GPR137C: variants seen among roughly 807,000 people sequenced by gnomAD.
GPR137C encodes the protein G protein-coupled receptor 137C.
In GPR137C, 27 loss-of-function variants were observed where a neutral mutation model predicts 43.4. The ratio of observed to expected loss-of-function variants is 0.62; its 90% CI spans 0.46 to 0.86. The LOEUF is 0.86. Among genes scored for constraint, GPR137C ranks in the 40% least tolerant of loss-of-function variants. The pLI is 0.00. For synonymous variants in GPR137C, 285 were observed against 226.9 expected (o/e 1.26, Z -2.30); for missense variants, 522 against 534.6 (o/e 0.98, Z 0.23).
chr14:52,589,547 A>G (rs1224694378), intron 1 of GPR137C, among the ~76,000 whole-genome samples: 2 of 152,218 alleles, frequency 1.3e-5, no homozygotes, highest in East Asian at 3.8e-4. Context: ...GATAGTGGAG[A>G]TGGCAAAAGT....
At chr14:52,601,498 G>GTA (rs1450171433) in intron 3 of GPR137C, among the ~76,000 whole-genome samples, 6,142 of 148,220 alleles carry the variant, frequency 0.041, 372 homozygotes, top group African/African-American at 0.14. Flanking sequence ...GTGTGTGTGT[G>GTA]TATATATATA....
intron 3 of GPR137C, among the ~76,000 whole-genome samples, chr14:52,616,807 T>C (rs1465821596): frequency 1.3e-5 from 2 of 152,208 alleles, no homozygotes; most frequent in African/African-American, 4.8e-5. Flanking sequence ...TTCCATTTTA[T>C]GCTCAGCCCA....
At chr14:52,631,117 T>C (rs1242966998) in intron 3 of GPR137C, among the ~76,000 whole-genome samples, 1 of 152,206 alleles carries the variant, frequency 6.6e-6, no homozygotes, top group Non-Finnish European at 1.5e-5. Context: ...TGGGCCTCTA[T>C]TTAAACTATG....
chr14:52,585,559 T>C (rs2038702731), intron 1 of GPR137C, among the ~76,000 whole-genome samples: 1 of 152,154 alleles, frequency 6.6e-6, no homozygotes, highest in Admixed American at 6.5e-5. Flanking sequence ...CAAGGCCAGG[T>C]ATGGTGGCTC....
intron 3 of GPR137C, among the ~76,000 whole-genome samples, chr14:52,604,211 G>T (rs752108233): frequency 1.3e-5 from 2 of 152,064 alleles, no homozygotes; most frequent in East Asian, 1.9e-4. Flanking sequence ...TCTATAGGTT[G>T]TCACTTCACT....
chr14:52,633,630 G>A lies in GPR137C; in HGVS notation c.968G>A (p.Arg323Gln), dbSNP rs777482767. The stretch of plus-strand genomic sequence containing the variant: ...GCATGGTCGGTGGTACTGTTTTTCC[G>A]GGCACAGAGATTAAACCAGAATTTG... ...VPAWSVVLFF[R>Q]AQRLNQNLAP... is the part of the protein sequence containing the mutation. Residue 323 changes from arginine to glutamine, a missense_variant, in exon 5 of 7, where the codon CGG becomes CAG. Coordinates refer to ENST00000321662, the MANE Select transcript of GPR137C (RefSeq NM_001099652.2). 15 of 1,612,858 alleles carry A rather than the reference G, an allele frequency of 9.3e-6. No individual in the cohort carries two copies. Among genetic ancestry groups the A allele is most frequent in the South Asian group, 6.6e-5 (6 of 91,048 alleles).
chr14:52,621,683 A>C (rs2039163084), intron 3 of GPR137C, among the ~76,000 whole-genome samples: 1 of 151,854 alleles, frequency 6.6e-6, no homozygotes, highest in Non-Finnish European at 1.5e-5. Flanking sequence ...TAACATTTAT[A>C]TCAAATGATA....
At chr14:52,562,164 T>G (rs2038295161) in intron 1 of GPR137C, among the ~76,000 whole-genome samples, 1 of 148,918 alleles carries the variant, frequency 6.7e-6, no homozygotes, top group South Asian at 2.4e-4. Flanking sequence ...AGTAATAAAA[T>G]AGAAAAAACA....
chr14:52,564,946 C>T (rs1171782346), intron 1 of GPR137C, among the ~76,000 whole-genome samples: 1 of 151,086 alleles, frequency 6.6e-6, no homozygotes. Context: ...AAAAAAAATG[C>T]TTGCTTTAAA....
intron 3 of GPR137C, among the ~76,000 whole-genome samples, chr14:52,629,079 T>A (rs777849154): frequency 1.3e-5 from 2 of 152,162 alleles, no homozygotes; most frequent in Non-Finnish European, 2.9e-5. Context: ...AGACATCACA[T>A]CTTCCAGCAT....
intron 3 of GPR137C, among the ~76,000 whole-genome samples, chr14:52,609,240 C>T (rs376360153): frequency 6.6e-6 from 1 of 152,014 alleles, no homozygotes; most frequent in East Asian, 1.9e-4. Context: ...ATTTTCAGCT[C>T]CTGAGTTTCT....
At chr14:52,612,097 A>T in intron 3 of GPR137C, 1 of 984,570 alleles carries the variant, frequency 1.0e-6, no homozygotes, top group Non-Finnish European at 1.2e-6. Context: ...GCTGTTTTAT[A>T]GTTTTATGGG....
At chr14:52,572,862 CA>C (rs1390976502) in intron 1 of GPR137C, among the ~76,000 whole-genome samples, 1 of 152,122 alleles carries the variant, frequency 6.6e-6, no homozygotes, top group Non-Finnish European at 1.5e-5. Flanking sequence ...TGTCTCAGCC[CA>C]AAATCTCCTT....
intron 3 of GPR137C, chr14:52,612,448 G>GTTTTGCT: frequency 1.0e-6 from 1 of 983,246 alleles, no homozygotes; most frequent in Non-Finnish European, 1.2e-6. Flanking sequence ...AATCAGTTTT[G>GTTTTGCT]TTTTGCTTTT....
intron 1 of GPR137C, among the ~76,000 whole-genome samples, chr14:52,554,925 C>T (rs937075194): frequency 6.6e-6 from 1 of 152,042 alleles, no homozygotes; most frequent in Non-Finnish European, 1.5e-5. Flanking sequence ...AATACAATGA[C>T]AAAAACGCAA....
intron 1 of GPR137C, among the ~76,000 whole-genome samples, chr14:52,579,326 T>TAA (rs2038610401): frequency 6.6e-6 from 1 of 152,168 alleles, no homozygotes; most frequent in Non-Finnish European, 1.5e-5. Flanking sequence ...TACCCAGATA[T>TAA]CTGCCAGGAT....
At chr14:52,627,802 C>T (rs1243293439) in intron 3 of GPR137C, among the ~76,000 whole-genome samples, 3 of 152,124 alleles carry the variant, frequency 2.0e-5, no homozygotes, top group Non-Finnish European at 4.4e-5. Flanking sequence ...CAAGATCACA[C>T]CACTGCACTC....
intron 1 of GPR137C, among the ~76,000 whole-genome samples, chr14:52,568,536 C>G (rs932814196): frequency 1.3e-5 from 2 of 152,228 alleles, no homozygotes; most frequent in African/African-American, 4.8e-5. Context: ...TGGAGCCCAG[C>G]AAGCTAAGAT....
intron 1 of GPR137C, among the ~76,000 whole-genome samples, chr14:52,570,425 G>A (rs994766726): frequency 2.6e-5 from 4 of 152,132 alleles, no homozygotes; most frequent in African/African-American, 9.7e-5. Context: ...ACCCTATGAA[G>A]AAACTGCATC....
Sources: gnomAD v4.1 joint callset for allele counts (sites outside exome capture counted in the v4.1 genomes callset) on GRCh38, gnomAD v4.1.1 for gene constraint, MANE v1.5 for transcripts, NCBI Gene and HGNC (gene_info 2026-07-23, HGNC 2026-07-21) for gene names.